Variants in SLC6A5 observed in about 807,000 individuals in gnomAD.
SLC6A5 encodes sodium- and chloride-dependent glycine transporter 2.
SLC6A5 carries 58 observed loss-of-function variants against 90.5 expected under a neutral mutation model. The observed-to-expected ratio is 0.64, with a 90% confidence interval of 0.52 to 0.80. The LOEUF is 0.80. Ranked by LOEUF, SLC6A5 falls within the 30% of genes least tolerant of loss-of-function variation. The pLI, the probability that SLC6A5 is intolerant of heterozygous loss-of-function variation, is 0.00. For missense variants in SLC6A5, 1,015 were observed against 1,017.6 expected (o/e 1.00, Z 0.03); for synonymous variants, 427 against 401.4 (o/e 1.06, Z -0.76).
rs1348780417 is a variant in SLC6A5 at position 20,636,386 on chromosome 11, C to T, written c.1704C>T (p.Phe568=). Residue 568 remains phenylalanine (F), a synonymous_variant, in exon 11 of 16, where the codon TTC becomes TTT. Transcript: ENST00000525748. ...CTCCGTTCTGGGCCATCATCTTTTTCCTGATGCTCCTCACTCTTGGACTTG... is the reference window on the plus strand; with the variant it reads ...CTCCGTTCTGGGCCATCATCTTTTTTCTGATGCTCCTCACTCTTGGACTTG... ...PLSPFWAIIF[F]LMLLTLGLDT... 2.5e-6 allele frequency: 4 copies of T among 1,613,010 alleles called. No homozygotes were observed. In the African/African-American group the frequency reaches 5.3e-5, roughly 22 times the overall value.
intron 9 of SLC6A5, among the ~76,000 whole-genome samples, chr11:20,629,369 C>G (rs1017356602): frequency 6.6e-6 from 1 of 152,164 alleles, no homozygotes; most frequent in African/African-American, 2.4e-5. Context: ...CCGACCAAGG[C>G]CCCATCTCCT....
chr11:20,601,633 C>T lies in SLC6A5; in HGVS notation c.508C>T (p.Leu170Phe), dbSNP rs1852481719. 8.1e-6 allele frequency: 13 copies of T among 1,614,014 alleles called. No individual in the cohort carries two copies. The highest frequency in any genetic ancestry group is 1.1e-5 in the Non-Finnish European group (13 of 1,179,976). ...VLATDGITSVLPGSVATVATQ... is the reference protein window; with the variant it reads ...VLATDGITSVFPGSVATVATQ... ...GGCCACGGATGGAATCACGTCCGTG[C>T]TCCCGGGCAGCGTGGCCACCGTTGC... The change falls in exon 2 of 16, where the codon CTC becomes TTC. Residue 170 changes from leucine (L) to phenylalanine (F), a missense_variant. By Grantham distance (22) the Leu-to-Phe change is conservative. Transcript: ENST00000525748.
intron 7 of SLC6A5, 25 bp downstream of exon 7, chr11:20,617,909 GAA>G (rs1565277169): frequency 1.2e-6 from 2 of 1,608,340 alleles, no homozygotes; most frequent in Non-Finnish European, 8.5e-7. Context: ...TTATCTAAGA[GAA>G]AGCTGTGAGA....
At chr11:20,652,796 C>T (rs987510064) in intron 15 of SLC6A5, among the ~76,000 whole-genome samples, 8 of 152,186 alleles carry the variant, frequency 5.3e-5, no homozygotes, top group African/African-American at 1.9e-4. Flanking sequence ...TTTTTAACCA[C>T]ACATCAGATT....
chr11:20,645,601 A>C (rs145936055), intron 13 of SLC6A5, among the ~76,000 whole-genome samples: 1 of 148,934 alleles, frequency 6.7e-6, no homozygotes, highest in East Asian at 2.0e-4. Context: ...CCCACTTTTC[A>C]TGAAAATGAT....
At chr11:20,636,070 T>C (rs1008393811) in intron 10 of SLC6A5, among the ~76,000 whole-genome samples, 2 of 152,204 alleles carry the variant, frequency 1.3e-5, no homozygotes, top group African/African-American at 4.8e-5. Context: ...AGACACTATT[T>C]TTAGGCCTCT....
chr11:20,628,036 C>T lies in SLC6A5; in HGVS notation c.1452C>T (p.Gly484=), dbSNP rs564991779. 5 of 1,614,138 alleles carry T rather than the reference C, an allele frequency of 3.1e-6. No homozygotes were observed. In the East Asian group the frequency reaches 6.7e-5, roughly 22 times the overall value. The change falls in exon 9 of 16, where the codon GGC becomes GGT. Residue 484 remains glycine (G), a synonymous_variant. Transcript: ENST00000525748. Reference sequence around the variant, plus strand: ...TCTCTTTATCTGCTGCATGGGGAGGCCTGATCACTCTCTCTTCTTACAACA... The same window carrying T: ...TCTCTTTATCTGCTGCATGGGGAGGTCTGATCACTCTCTCTTCTTACAACA... ...IFFSLSAAWG[G]LITLSSYNKF...
chr11:20,604,239 T>G (rs1852531960), intron 2 of SLC6A5, 47 bp from the exon 3 acceptor site: 1 of 1,570,930 alleles, frequency 6.4e-7, no homozygotes, highest in African/African-American at 1.3e-5. Context: ...GGCCTGCTTG[T>G]GGACCTACTC....
chr11:20,628,048 C>T lies in SLC6A5; in HGVS notation c.1464C>T (p.Leu488=). ...LSAAWGGLIT[L]SSYNKFHNNC... ...CTGCATGGGGAGGCCTGATCACTCT[C>T]TCTTCTTACAACAAATTCCACAACA... Residue 488 remains leucine (L), a synonymous_variant, in exon 9 of 16, where the codon CTC becomes CTT. Coordinates refer to ENST00000525748, the MANE Select transcript of SLC6A5 (RefSeq NM_004211.5). 1 of 1,614,142 alleles carries T rather than the reference C, an allele frequency of 6.2e-7. No individual in the cohort carries two copies. The highest frequency in any genetic ancestry group is 8.5e-7 in the Non-Finnish European group (1 of 1,179,998).
At position 20,628,093 on chromosome 11, in the gene SLC6A5, G is replaced by T. The variant is rs775401118; in HGVS notation, c.1499+10G>T. 1 of 1,599,010 alleles carries T rather than the reference G, an allele frequency of 6.3e-7. No homozygotes were observed. The highest frequency in any genetic ancestry group is 2.2e-5 in the East Asian group (1 of 44,794). On this transcript the variant is annotated intron_variant, in intron 9 of 15. Coordinates refer to ENST00000525748, the MANE Select transcript of SLC6A5 (RefSeq NM_004211.5). ...ACAACAACTGCTACAGGTATGTAGAGGTACTACAAGATCTGGGCATAGCTG... is the reference window on the plus strand; with the variant it reads ...ACAACAACTGCTACAGGTATGTAGATGTACTACAAGATCTGGGCATAGCTG...
chr11:20,638,066 C>T (rs1274107485), intron 12 of SLC6A5, among the ~76,000 whole-genome samples: 1 of 152,148 alleles, frequency 6.6e-6, no homozygotes, highest in Non-Finnish European at 1.5e-5. Flanking sequence ...CCAGAGACAC[C>T]TAAAGGTCAT....
chr11:20,619,655 G>A lies in SLC6A5; in HGVS notation c.1260+1771G>A, dbSNP rs561791457. Among the ~76,000 whole-genome samples the A allele has an allele frequency of 6.6e-5, 10 of 151,766 alleles. No individual in the cohort carries two copies. In the East Asian group the frequency reaches 1.7e-3, roughly 26 times the overall value. On this transcript the variant is annotated intron_variant, in intron 7 of 15. Coordinates refer to ENST00000525748, the MANE Select transcript of SLC6A5 (RefSeq NM_004211.5). ...TTTTTTTTTGGCCAATAAATGAAAA[G>A]CACATTTTCCTAGCTATTTTAGAAG...
At chr11:20,626,461 C>T (rs74762927) in intron 7 of SLC6A5, among the ~76,000 whole-genome samples, 2,593 of 152,246 alleles carry the variant, frequency 0.017, 42 homozygotes, top group Non-Finnish European at 0.025. Context: ...CCCCAGCCTT[C>T]TGGCTGTAGG....
chr11:20,615,007 A>C (rs559203021), intron 6 of SLC6A5, among the ~76,000 whole-genome samples, 187 bp downstream of exon 6: 5 of 152,354 alleles, frequency 3.3e-5, no homozygotes, highest in Admixed American at 2.6e-4. Flanking sequence ...GAGCTGGATG[A>C]ATGACAGCAG....
chr11:20,640,838 T>C (rs1251731207), intron 13 of SLC6A5, among the ~76,000 whole-genome samples: 1 of 152,114 alleles, frequency 6.6e-6, no homozygotes, highest in Non-Finnish European at 1.5e-5. Context: ...CTGTGAAGGG[T>C]TAAAATGAAA....
Position 20,643,227 on chromosome 11 carries a change from C to CT in SLC6A5, c.1970-3594dup, listed in dbSNP as rs11294668. On this transcript the variant is annotated intron_variant, in intron 13 of 15. Transcript: ENST00000525748. Reference sequence around the variant, plus strand: ...ATAGAAATTTCTAGAATCTCTCTCTCTTTTTTTTTTTTTAGAAAAAGAACT... The same window carrying CT: ...ATAGAAATTTCTAGAATCTCTCTCTCTTTTTTTTTTTTTTAGAAAAAGAACT... 7.1e-3 allele frequency among the ~76,000 whole-genome samples: 1,046 copies of CT among 146,516 alleles called. 12 individuals are homozygous for CT. The highest frequency in any genetic ancestry group is 0.021 in the African/African-American group (857 of 39,924).
At position 20,638,479 on chromosome 11, in the gene SLC6A5, G is replaced by T; in HGVS notation, c.1890G>T (p.Gln630His). ...GTTAGGGTGGAATTTACATGTTTCA[G>T]CTTGTGGACACCTATGCTGCCTCCT... ...MITQGGIYMF[Q>H]LVDTYAASYA... is the part of the protein sequence containing the mutation. Residue 630 changes from glutamine to histidine, a missense_variant, in exon 13 of 16, where the codon CAG becomes CAT. Physicochemically the swap from Gln to His is conservative, Grantham distance 24 (BLOSUM62 0). Transcript: ENST00000525748. 6.2e-7 allele frequency: 1 copy of T among 1,612,578 alleles called. No homozygotes were observed. The highest frequency in any genetic ancestry group is 8.5e-7 in the Non-Finnish European group (1 of 1,178,648).
intron 2 of SLC6A5, among the ~76,000 whole-genome samples, chr11:20,603,004 TG>T (rs11314244): frequency 0.031 from 4,733 of 152,204 alleles, 269 homozygotes; most frequent in African/African-American, 0.11. Flanking sequence ...AGGTGGTCTG[TG>T]TGTGGGAGGA....
chr11:20,600,405 GA>G (rs1565269092), intron 1 of SLC6A5, among the ~76,000 whole-genome samples: 17 of 137,564 alleles, frequency 1.2e-4, no homozygotes, highest in Middle Eastern at 7.6e-3. Flanking sequence ...AGAAGAAGAA[GA>G]AGAAGACCTA....
Sources: allele counts gnomAD v4.1 joint callset (sites outside exome capture counted in the v4.1 genomes callset), GRCh38; gene constraint gnomAD v4.1.1; transcripts MANE v1.5; gene names NCBI Gene and HGNC (gene_info 2026-07-23, HGNC 2026-07-21).